ITPR2: variants seen among roughly 807,000 people sequenced by gnomAD.
ITPR2 encodes the protein inositol 1,4,5-trisphosphate receptor type 2, also known as inositol 1,4,5-trisphosphate-gated calcium channel ITPR2.
Under a neutral mutation model 317.1 loss-of-function variants are expected in ITPR2, and 207 were observed. The ratio of observed to expected loss-of-function variants is 0.65; its 90% CI spans 0.58 to 0.73. The LOEUF is 0.73. ITPR2 is among the 30% of genes least tolerant of loss of function. ITPR2 has a pLI of 0.00. For missense variants in ITPR2, 2,613 were observed against 3,284.0 expected (o/e 0.80, Z 4.99); for synonymous variants, 1,156 against 1,149.1 (o/e 1.01, Z -0.12).
intron 39 of ITPR2, among the ~76,000 whole-genome samples, chr12:26,489,479 C>T (rs1208114971): frequency 6.6e-6 from 1 of 152,206 alleles, no homozygotes; most frequent in East Asian, 1.9e-4. Context: ...CGGTTTGAAA[C>T]CTATCTCTAT....
At chr12:26,439,793 G>A (rs368429764) in intron 46 of ITPR2, among the ~76,000 whole-genome samples, 92 of 152,178 alleles carry the variant, frequency 6.0e-4, no homozygotes, top group African/African-American at 1.9e-3. Context: ...AGAGAAAAGC[G>A]CTTTATATCA....
At chr12:26,585,054 C>T (rs1235589866) in intron 32 of ITPR2, among the ~76,000 whole-genome samples, 1 of 152,088 alleles carries the variant, frequency 6.6e-6, no homozygotes, top group Non-Finnish European at 1.5e-5. Flanking sequence ...AAACAGACAA[C>T]ATTTTCATAA....
At chr12:26,478,162 C>T (rs1942458848) in intron 43 of ITPR2, among the ~76,000 whole-genome samples, 1 of 152,042 alleles carries the variant, frequency 6.6e-6, no homozygotes, top group Non-Finnish European at 1.5e-5. Context: ...ACTATTTTCC[C>T]CCCAGAAGTA....
rs1353903689 is a variant in ITPR2, at chr12:26,711,263, A to G, written c.861T>C (p.Val287=). ...CACCCCCACGGCATGGGTCATGATG[A>G]ACCACCTACAAAGAGAGCAACGATA... ...SSKALWEIEV[V]HHDPCRGGAG... is the part of the protein sequence containing the mutation. Residue 287 remains valine, a synonymous_variant, in exon 9 of 57, where the codon GTT becomes GTC. Coordinates refer to ENST00000381340, the MANE Select transcript of ITPR2 (RefSeq NM_002223.4). 1 of 1,610,948 alleles carries G rather than the reference A, an allele frequency of 6.2e-7. No homozygotes were observed. The highest frequency in any genetic ancestry group is 1.1e-5 in the South Asian group (1 of 91,004).
At chr12:26,438,511 TCTA>T (rs1217990850) in intron 47 of ITPR2, among the ~76,000 whole-genome samples, 1 of 152,190 alleles carries the variant, frequency 6.6e-6, no homozygotes, top group African/African-American at 2.4e-5. Context: ...ATTTAAAAAT[TCTA>T]AAATTTTAAA....
At chr12:26,383,307 A>C (rs1389671387) in intron 55 of ITPR2, among the ~76,000 whole-genome samples, 2 of 152,178 alleles carry the variant, frequency 1.3e-5, no homozygotes, top group African/African-American at 4.8e-5. Flanking sequence ...TAAATTACCC[A>C]GCCTTAGGTA....
chr12:26,814,969 G>C (rs895510472), intron 1 of ITPR2, among the ~76,000 whole-genome samples: 2 of 152,114 alleles, frequency 1.3e-5, no homozygotes, highest in African/African-American at 2.4e-5. Flanking sequence ...CTGTAAAATG[G>C]TTAATTATCC....
intron 50 of ITPR2, 146 bp downstream of exon 50, chr12:26,418,903 C>T (rs536869178): frequency 2.2e-5 from 14 of 644,116 alleles, no homozygotes; most frequent in South Asian, 3.7e-5. Flanking sequence ...TAATAATTCA[C>T]GCTTTTCCTA....
chr12:26,492,758 G>A (rs1007724749), intron 39 of ITPR2, among the ~76,000 whole-genome samples: 1 of 152,058 alleles, frequency 6.6e-6, no homozygotes, highest in Non-Finnish European at 1.5e-5. Flanking sequence ...GTAAAGCAAG[G>A]CAATGATACT....
intron 45 of ITPR2, among the ~76,000 whole-genome samples, chr12:26,452,802 A>T (rs1030319156): frequency 5.3e-5 from 8 of 152,122 alleles, no homozygotes; most frequent in African/African-American, 1.4e-4. Flanking sequence ...CCAGAAGGCG[A>T]CCAAATGCAG....
At chr12:26,654,325 T>C (rs752985656) in intron 20 of ITPR2, among the ~76,000 whole-genome samples, 199 bp from the exon 21 acceptor site, 1 of 152,134 alleles carries the variant, frequency 6.6e-6, no homozygotes, top group African/African-American at 2.4e-5. Flanking sequence ...TAGAACTAAA[T>C]CCAAGCAAGA....
At chr12:26,471,691 C>A (rs901234852) in intron 45 of ITPR2, among the ~76,000 whole-genome samples, 2 of 152,102 alleles carry the variant, frequency 1.3e-5, no homozygotes, top group African/African-American at 4.8e-5. Flanking sequence ...CTGAGAGCAC[C>A]AGAATAAACT....
At chr12:26,695,684 G>A (rs1469721328) in intron 9 of ITPR2, 34 bp from the exon 10 acceptor site, 18 of 1,418,326 alleles carry the variant, frequency 1.3e-5, no homozygotes, top group Non-Finnish European at 1.7e-5. Flanking sequence ...GTTTTTCATT[G>A]CTATGAAAAG....
chr12:26,387,801 T>A (rs1329360941), intron 54 of ITPR2, among the ~76,000 whole-genome samples: 1 of 152,210 alleles, frequency 6.6e-6, no homozygotes, highest in Non-Finnish European at 1.5e-5. Context: ...CAACTAACAT[T>A]TATTTTTCCC....
Position 26,658,136 on chromosome 12 carries a change from A to G in ITPR2, c.1887-6T>C, listed in dbSNP as rs1457468086. On this transcript the variant is annotated splice_region_variant and splice_polypyrimidine_tract_variant and intron_variant, in intron 16 of 56. Coordinates refer to ENST00000381340, the MANE Select transcript of ITPR2 (RefSeq NM_002223.4). ...CTGACAAATAATCCAAAAACCTGGC[A>G]AAAGAAAAAAATTAAATGGAATATG... The G allele has an allele frequency of 1.3e-6, 2 of 1,546,916 alleles. No homozygotes were observed. The highest frequency in any genetic ancestry group is 4.6e-5 in the East Asian group (2 of 43,682).
chr12:26,548,585 T>A (rs1372087997), intron 37 of ITPR2, among the ~76,000 whole-genome samples: 1 of 152,148 alleles, frequency 6.6e-6, no homozygotes, highest in Non-Finnish European at 1.5e-5. Flanking sequence ...TGACAACATA[T>A]GTGTTGGGTG....
At chr12:26,559,426 T>C (rs972935361) in intron 35 of ITPR2, among the ~76,000 whole-genome samples, 5 of 152,224 alleles carry the variant, frequency 3.3e-5, no homozygotes, top group African/African-American at 4.8e-5. Context: ...CTGGTGAGGA[T>C]GCACTTCCTG....
intron 2 of ITPR2, among the ~76,000 whole-genome samples, chr12:26,772,775 C>T (rs1949895412): frequency 6.6e-6 from 1 of 150,796 alleles, no homozygotes; most frequent in Non-Finnish European, 1.5e-5. Context: ...CTGGGATACA[C>T]GAGCAGAACA....
intron 2 of ITPR2, among the ~76,000 whole-genome samples, chr12:26,767,043 G>A (rs1949732872): frequency 6.6e-6 from 1 of 151,870 alleles, no homozygotes; most frequent in Admixed American, 6.6e-5. Flanking sequence ...CTTCCAAATG[G>A]CAAAGGGAAA....
Sources: allele counts gnomAD v4.1 joint callset (sites outside exome capture counted in the v4.1 genomes callset), GRCh38; gene constraint gnomAD v4.1.1; transcripts MANE v1.5; gene names NCBI Gene and HGNC (gene_info 2026-07-23, HGNC 2026-07-21).